Variants in DNAJC3 observed in about 807,000 individuals in gnomAD.
DNAJC3 encodes dnaJ homolog subfamily C member 3.
A neutral mutation model predicts 68.6 loss-of-function variants in DNAJC3; 38 were observed. That is an observed-to-expected ratio of 0.55 (90% CI 0.43 to 0.73). The LOEUF (loss-of-function observed/expected upper bound fraction) is 0.73, where lower values mean the gene tolerates loss of function less well. Ranked by LOEUF, DNAJC3 falls within the 30% of genes least tolerant of loss-of-function variation. The pLI, the probability that DNAJC3 is intolerant of heterozygous loss-of-function variation, is 0.00. For synonymous variants in DNAJC3, 203 were observed against 204.0 expected (o/e 1.00, Z 0.04); for missense variants, 526 against 591.9 (o/e 0.89, Z 1.16).
intron 9 of DNAJC3, among the ~76,000 whole-genome samples, chr13:95,779,200 A>T (rs187062100): frequency 7.0e-6 from 1 of 143,410 alleles, no homozygotes; most frequent in Non-Finnish European, 1.5e-5. Context: ...TTTCAGCTCA[A>T]TGCAAGCTCC....
Position 95,791,233 on chromosome 13 carries a change from C to CTAT in DNAJC3, c.*205_*207dup, listed in dbSNP as rs1955289180. 5 of 606,068 alleles carry CTAT rather than the reference C, an allele frequency of 8.2e-6. No homozygotes were observed. The highest frequency in any genetic ancestry group is 1.9e-5 in the African/African-American group (1 of 53,460). The allele number at this position is 606,068 out of a possible 1,614,324, so 37.5% of individuals were successfully genotyped here. A position where few individuals can be genotyped will look rare whatever the true frequency, so the allele number is the denominator to read the frequency against. On this transcript the variant is annotated 3_prime_UTR_variant, in exon 12 of 12. Transcript: ENST00000602402. ...AACGGCAAGGAGGCAAGGAATGGTT[C>CTAT]TATTTCTGACAGAGCAGCCTGCATC... is the stretch of plus-strand genomic sequence containing the variant.
chr13:95,702,333 A>G (rs1462131116), intron 1 of DNAJC3, among the ~76,000 whole-genome samples: 2 of 152,332 alleles, frequency 1.3e-5, no homozygotes, highest in South Asian at 2.1e-4. Flanking sequence ...AGAGCTTAGC[A>G]TCATGCTCAC....
chr13:95,764,733 T>TAC (rs1213192347), intron 9 of DNAJC3, among the ~76,000 whole-genome samples: 3 of 139,284 alleles, frequency 2.2e-5, no homozygotes, highest in Non-Finnish European at 4.6e-5. Context: ...TATATATATA[T>TAC]ACATATATAA....
rs778152919 is a variant in DNAJC3, at chr13:95,786,999, C to T, written c.1209-8C>T. The T allele has an allele frequency of 1.3e-6, 2 of 1,599,878 alleles. No homozygotes were observed. The highest frequency in any genetic ancestry group is 1.8e-5 in the Admixed American group (1 of 56,372). On this transcript the variant is annotated splice_polypyrimidine_tract_variant and splice_region_variant and intron_variant, in intron 10 of 11. Transcript: ENST00000602402. ...CCACTAATGATTATTTATTTTACCACCCCTCAGAAATGCCAAAAAGCAAGA... is the reference window on the plus strand; with the variant it reads ...CCACTAATGATTATTTATTTTACCATCCCTCAGAAATGCCAAAAAGCAAGA...
chr13:95,775,592 T>C (rs1883270794), intron 9 of DNAJC3, among the ~76,000 whole-genome samples: 1 of 152,238 alleles, frequency 6.6e-6, no homozygotes, highest in Admixed American at 6.5e-5. Context: ...ACCTTTCAGC[T>C]ACATTTTAAG....
intron 9 of DNAJC3, among the ~76,000 whole-genome samples, chr13:95,778,795 T>A (rs1217273920): frequency 6.6e-6 from 1 of 152,248 alleles, no homozygotes; most frequent in Non-Finnish European, 1.5e-5. Flanking sequence ...ATTCAGTATT[T>A]TTTTGTGAAA....
chr13:95,721,364 G>T (rs761178472), intron 2 of DNAJC3, among the ~76,000 whole-genome samples: 4 of 152,106 alleles, frequency 2.6e-5, no homozygotes, highest in African/African-American at 9.7e-5. Flanking sequence ...GAATAATACT[G>T]CTGTGAACAT....
intron 2 of DNAJC3, among the ~76,000 whole-genome samples, chr13:95,721,677 T>C (rs1881328679): frequency 6.6e-6 from 1 of 152,114 alleles, no homozygotes; most frequent in Non-Finnish European, 1.5e-5. Flanking sequence ...TAGTTTTTAT[T>C]AGTATTTTTG....
chr13:95,682,013 C>T (rs1197610625), intron 1 of DNAJC3, among the ~76,000 whole-genome samples: 2 of 152,146 alleles, frequency 1.3e-5, no homozygotes, highest in Non-Finnish European at 2.9e-5. Flanking sequence ...ATTCCATTTC[C>T]TCTCACCTTC....
chr13:95,694,282 A>T (rs1374296819), intron 1 of DNAJC3: 1 of 152,534 alleles, frequency 6.6e-6, no homozygotes, highest in Non-Finnish European at 1.5e-5. Flanking sequence ...CTCAATAGCT[A>T]TTGCCACAGT....
At chr13:95,698,739 G>A (rs537933455) in intron 1 of DNAJC3, among the ~76,000 whole-genome samples, 36 of 152,296 alleles carry the variant, frequency 2.4e-4, no homozygotes, top group African/African-American at 8.4e-4. Flanking sequence ...GGGCAAGTGT[G>A]GGAGACCATT....
rs1254077910 is a variant in DNAJC3 at position 95,736,469 on chromosome 13, C to T, written c.393+11217C>T. On this transcript the variant is annotated intron_variant, in intron 4 of 11. Coordinates refer to ENST00000602402, the MANE Select transcript of DNAJC3 (RefSeq NM_006260.5). ...CTACCCATGAGCATGGAATGTTCTT[C>T]CATTTGTTTGTATCCTCTTTTATTT... is the stretch of plus-strand genomic sequence containing the variant. Among the ~76,000 whole-genome samples, 29 of 145,822 alleles carry T rather than the reference C, an allele frequency of 2.0e-4. No individual in the cohort carries two copies. The East Asian group carries it at 5.5e-3, about 28-fold the overall frequency.
At chr13:95,761,971 C>G (rs1434634261) in intron 7 of DNAJC3, among the ~76,000 whole-genome samples, 2 of 152,132 alleles carry the variant, frequency 1.3e-5, no homozygotes, top group Non-Finnish European at 2.9e-5. Flanking sequence ...AATAATTCCT[C>G]CTTGTTTACT....
chr13:95,707,830 T>C (rs1450604572), intron 1 of DNAJC3, among the ~76,000 whole-genome samples: 2 of 152,142 alleles, frequency 1.3e-5, no homozygotes, highest in East Asian at 3.9e-4. Flanking sequence ...TTAGAGCTTA[T>C]TGGAGAAGGT....
At chr13:95,762,880 G>A (rs1351498667) in intron 7 of DNAJC3, among the ~76,000 whole-genome samples, 1 of 152,018 alleles carries the variant, frequency 6.6e-6, no homozygotes, top group Non-Finnish European at 1.5e-5. Context: ...TTTGTTTTCT[G>A]TTCCTGCGTT....
chr13:95,751,814 C>G (rs912067808), intron 4 of DNAJC3, among the ~76,000 whole-genome samples: 6 of 152,258 alleles, frequency 3.9e-5, no homozygotes, highest in Middle Eastern at 3.4e-3. Context: ...GCTGGGGAGG[C>G]CTCACAATCA....
intron 4 of DNAJC3, among the ~76,000 whole-genome samples, chr13:95,736,010 G>A (rs1881903593): frequency 6.6e-6 from 1 of 152,118 alleles, no homozygotes; most frequent in South Asian, 2.1e-4. Flanking sequence ...AAGGTGTAAG[G>A]AAGGGATCCA....
intron 1 of DNAJC3, among the ~76,000 whole-genome samples, chr13:95,682,185 G>A (rs1879931718): frequency 6.6e-6 from 1 of 152,170 alleles, no homozygotes. Flanking sequence ...AGATTCCACT[G>A]TCTTCTGTGT....
intron 2 of DNAJC3, among the ~76,000 whole-genome samples, chr13:95,719,190 G>C (rs1881242247): frequency 6.6e-6 from 1 of 152,190 alleles, no homozygotes; most frequent in Non-Finnish European, 1.5e-5. Context: ...AGATGCATAG[G>C]GCCAGGCATA....
Sources: allele counts gnomAD v4.1 joint callset (sites outside exome capture counted in the v4.1 genomes callset), GRCh38; gene constraint gnomAD v4.1.1; transcripts MANE v1.5; gene names NCBI Gene and HGNC (gene_info 2026-07-23, HGNC 2026-07-21).